UGT3A2: variants seen among roughly 807,000 people sequenced by gnomAD.
UGT3A2 encodes the protein UDP-glycosyltransferase 3A2.
UGT3A2 carries 32 observed loss-of-function variants against 39.8 expected under a neutral mutation model. That is an observed-to-expected ratio of 0.80 (90% CI 0.61 to 1.08). UGT3A2 has a LOEUF of 1.08. UGT3A2 is among the 50% of genes least tolerant of loss of function. The probability of loss-of-function intolerance (pLI) is 0.00; values close to 1 mark genes in which losing one functional copy is unlikely to be tolerated. For synonymous variants in UGT3A2, 241 were observed against 230.7 expected, an observed-to-expected ratio of 1.04 and a Z score of -0.40; for missense variants, 611 against 637.1, an observed-to-expected ratio of 0.96 and a Z score of 0.44.
In UGT3A2 at chr5:36,049,291, A is replaced by T. The variant is rs981891774; in HGVS notation, c.441T>A (p.Phe147Leu). The T allele has an allele frequency of 2.5e-6, 4 of 1,614,180 alleles. No individual in the cohort carries two copies. The highest frequency in any genetic ancestry group is 2.5e-6 in the Non-Finnish European group (3 of 1,180,034). ...CAGCAATCAGGAAAGGACAGTAGTC[A>T]AAAGTTTCAACTATCACCATGTCGA... ...ENFDMVIVETFDYCPFLIAEK... is the reference protein window; with the variant it reads ...ENFDMVIVETLDYCPFLIAEK... The change falls in exon 4 of 7, where the codon TTT becomes TTA. Residue 147 changes from phenylalanine to leucine, a missense_variant. Physicochemically the swap from Phe to Leu is conservative, Grantham distance 22. Coordinates refer to ENST00000282507, the MANE Select transcript of UGT3A2 (RefSeq NM_174914.4).
intron 2 of UGT3A2, among the ~76,000 whole-genome samples, chr5:36,062,667 C>A (rs969867587): frequency 6.6e-6 from 1 of 152,098 alleles, no homozygotes; most frequent in Non-Finnish European, 1.5e-5. Flanking sequence ...AGTTTGAAGT[C>A]AGGTAGTGTG....
In UGT3A2 at chr5:36,052,092, ATGAT is replaced by A. The variant is rs534642015; in HGVS notation, c.197-112_197-109del. The A allele has an allele frequency of 5.9e-4, 402 of 685,898 alleles. No homozygotes were observed. In the African/African-American group the frequency reaches 6.9e-3, roughly 12 times the overall value. 42.5% of individuals were successfully genotyped at this position (685,898 alleles called of 1,614,324 possible). On this transcript the variant is annotated intron_variant, in intron 2 of 6. Coordinates refer to ENST00000282507, the MANE Select transcript of UGT3A2 (RefSeq NM_174914.4). ...TTTCAAAGATTATGTATGTATTTGA[ATGAT>A]TGCTTCAAGTATTTTTTAATGTATG...
intron 3 of UGT3A2, among the ~76,000 whole-genome samples, chr5:36,049,651 AT>A (rs1352954889): frequency 9.2e-5 from 14 of 152,000 alleles, no homozygotes; most frequent in Non-Finnish European, 1.8e-4. Flanking sequence ...CCTTATCCAA[AT>A]CCCAACCACC....
chr5:36,042,783 A>G (rs898795878), intron 4 of UGT3A2, among the ~76,000 whole-genome samples: 2 of 152,162 alleles, frequency 1.3e-5, no homozygotes, highest in Non-Finnish European at 2.9e-5. Flanking sequence ...CCATGAAAAG[A>G]GACAAAGAAG....
chr5:36,038,344 T>G (rs1021249833), intron 5 of UGT3A2, among the ~76,000 whole-genome samples: 6 of 152,198 alleles, frequency 3.9e-5, no homozygotes, highest in African/African-American at 1.4e-4. Flanking sequence ...TGCCTTTCTT[T>G]GCTTCTCTCA....
At chr5:36,038,919 T>A (rs879715652) in intron 5 of UGT3A2, among the ~76,000 whole-genome samples, 3 of 152,176 alleles carry the variant, frequency 2.0e-5, no homozygotes, top group African/African-American at 7.2e-5. Context: ...AATCACCAAC[T>A]GTGAAGTTGC....
At chr5:36,038,088 G>C in intron 5 of UGT3A2, 72 bp from the exon 6 acceptor site, 1 of 1,477,336 alleles carries the variant, frequency 6.8e-7, no homozygotes, top group Admixed American at 2.3e-5. Flanking sequence ...AGATGAAGGG[G>C]ATAAGAAAGT....
intron 2 of UGT3A2, among the ~76,000 whole-genome samples, chr5:36,054,008 T>C (rs963953297): frequency 6.6e-6 from 1 of 152,128 alleles, no homozygotes; most frequent in Non-Finnish European, 1.5e-5. Context: ...ACACATAAAA[T>C]ACAGTAACAC....
rs774427416 is a variant in UGT3A2 at position 36,064,248 on chromosome 5, C to T, written c.196+1G>A. On this transcript the variant is annotated splice_donor_variant, in intron 2 of 6. Transcript: ENST00000282507. LOFTEE classifies it high-confidence loss of function. ...AAATCAAGAAAAGTGAGAAAAGATA[C>T]CTGGCATAAAAGGACCTCTTTTGTG... 1 of 1,613,232 alleles carries T rather than the reference C, an allele frequency of 6.2e-7. No individual in the cohort carries two copies. Among genetic ancestry groups the T allele is most frequent in the Non-Finnish European group, 8.5e-7 (1 of 1,179,456 alleles).
At position 36,035,775 on chromosome 5, in the gene UGT3A2, T is replaced by C; in HGVS notation, c.1495A>G (p.Thr499Ala). 1 of 1,613,370 alleles carries C rather than the reference T, an allele frequency of 6.2e-7. No individual in the cohort carries two copies. The highest frequency in any genetic ancestry group is 8.5e-7 in the Non-Finnish European group (1 of 1,179,870). ...FVFLLGLTLG[T>A]LWLCGKLLGM... ...AGCAGCTTCCCACAAAGCCATAGAG[T>C]CCCCAGAGTGAGCCCCAGCAGAAAC... Residue 499 changes from threonine (T) to alanine (A), a missense_variant, in exon 7 of 7, where the codon ACT (threonine) becomes GCT (alanine). By Grantham distance (58) the Thr-to-Ala change is moderately conservative. Transcript: ENST00000282507.
At chr5:36,060,545 G>T (rs769409455) in intron 2 of UGT3A2, among the ~76,000 whole-genome samples, 1 of 152,196 alleles carries the variant, frequency 6.6e-6, no homozygotes, top group Non-Finnish European at 1.5e-5. Context: ...CAATAAAAAG[G>T]GTTGTGGAAG....
At chr5:36,060,950 G>A (rs1254016602) in intron 2 of UGT3A2, among the ~76,000 whole-genome samples, 3 of 152,220 alleles carry the variant, frequency 2.0e-5, no homozygotes, top group Admixed American at 1.3e-4. Flanking sequence ...GAGATTAGGA[G>A]TTCAAGACCG....
rs1017453498 is a variant in UGT3A2, at chr5:36,035,351, G to C, written c.*347C>G. On this transcript the variant is annotated 3_prime_UTR_variant, in exon 7 of 7. Transcript: ENST00000282507. ...ATGGAGGCTGGAAGAGTCAGGGTGTGATTCGGAGAGGCGCATGAGAAGGAA... is the reference window on the plus strand; with the variant it reads ...ATGGAGGCTGGAAGAGTCAGGGTGTCATTCGGAGAGGCGCATGAGAAGGAA... 1.5e-4 allele frequency: 46 copies of C among 302,026 alleles called. No individual in the cohort carries two copies. The highest frequency in any genetic ancestry group is 1.1e-3 in the Middle Eastern group (1 of 892). 18.7% of individuals were successfully genotyped at this position (302,026 alleles called of 1,614,324 possible).
chr5:36,066,700 T>A lies in UGT3A2; in HGVS notation c.90A>T (p.Thr30=). The change falls in exon 1 of 7, where the codon ACA becomes ACT. Residue 30 remains threonine, a synonymous_variant. Transcript: ENST00000282507. ...SEAAKILTIS[T]VGGSHYLLMD... is the part of the protein sequence containing the mutation. ...ATTCTCCGGCCAAGCACTCACCTAC[T>A]GTAGATATTGTCAGGATTTTGGCAG... The A allele has an allele frequency of 6.2e-7, 1 of 1,614,070 alleles. No individual in the cohort carries two copies. Among genetic ancestry groups the A allele is most frequent in the South Asian group, 1.1e-5 (1 of 91,082 alleles).
At chr5:36,047,979 A>G (rs1742219552) in intron 4 of UGT3A2, among the ~76,000 whole-genome samples, 1 of 152,006 alleles carries the variant, frequency 6.6e-6, no homozygotes, top group African/African-American at 2.4e-5. Context: ...AGCCCATATC[A>G]CCCATAGGTC....
At chr5:36,047,547 C>T (rs1013430174) in intron 4 of UGT3A2, among the ~76,000 whole-genome samples, 36 of 152,214 alleles carry the variant, frequency 2.4e-4, no homozygotes, top group African/African-American at 8.2e-4. Flanking sequence ...GCCAGCATAC[C>T]ACTTACCATT....
chr5:36,045,253 T>C (rs1742130458), intron 4 of UGT3A2, among the ~76,000 whole-genome samples: 1 of 151,144 alleles, frequency 6.6e-6, no homozygotes, highest in Non-Finnish European at 1.5e-5. Context: ...TGAATGGTGC[T>C]AAAAAAAAAC....
At chr5:36,040,912 G>C (rs1433857735) in intron 4 of UGT3A2, among the ~76,000 whole-genome samples, 2 of 152,014 alleles carry the variant, frequency 1.3e-5, no homozygotes, top group Non-Finnish European at 2.9e-5. Flanking sequence ...GGAGAGGAGA[G>C]GGAAGAGTTA....
Position 36,035,028 on chromosome 5 carries a change from G to T in UGT3A2, c.*670C>A, listed in dbSNP as rs16902693. The T allele has an allele frequency of 0.011, 1,641 of 152,670 alleles. 30 individuals are homozygous for T. Among genetic ancestry groups the T allele is most frequent in the East Asian group, 0.072 (381 of 5,298 alleles). 9.5% of individuals were successfully genotyped at this position (152,670 alleles called of 1,614,324 possible). A position where few individuals can be genotyped will look rare whatever the true frequency, so the allele number is the denominator to read the frequency against. On this transcript the variant is annotated 3_prime_UTR_variant, in exon 7 of 7. Transcript: ENST00000282507. ...TCTTGGCCAATCATTTAGTGAGGTT[G>T]GGGAGAGATAACGCTGTAAACTTTT...
Sources: gnomAD v4.1 joint callset for allele counts (sites outside exome capture counted in the v4.1 genomes callset) on GRCh38, gnomAD v4.1.1 for gene constraint, MANE v1.5 for transcripts, NCBI Gene and HGNC (gene_info 2026-07-23, HGNC 2026-07-21) for gene names.